Variants in MSRB3 observed in about 807,000 individuals in gnomAD.
The protein encoded by MSRB3 is methionine-R-sulfoxide reductase B3.
A neutral mutation model predicts 21.0 loss-of-function variants in MSRB3; 13 were observed. The observed-to-expected ratio is 0.62, with a 90% CI of 0.40 to 0.98. The LOEUF is 0.98. Ranked by LOEUF, MSRB3 falls within the 50% of genes least tolerant of loss-of-function variation. MSRB3 has a pLI of 0.00. For missense variants in MSRB3, 199 were observed against 230.3 expected, an observed-to-expected ratio of 0.86 and a Z score of 0.88; for synonymous variants, 87 against 88.6, an observed-to-expected ratio of 0.98 and a Z score of 0.10.
At chr12:65,379,587 G>C (rs1436609064) in intron 5 of MSRB3, among the ~76,000 whole-genome samples, 1 of 152,036 alleles carries the variant, frequency 6.6e-6, no homozygotes, top group African/African-American at 2.4e-5. Context: ...AAAGTTCCCT[G>C]TTCTTGAATT....
At chr12:65,396,883 T>C (rs1879848895) in intron 5 of MSRB3, among the ~76,000 whole-genome samples, 1 of 152,158 alleles carries the variant, frequency 6.6e-6, no homozygotes, top group Non-Finnish European at 1.5e-5. Flanking sequence ...TCCAGTTGAT[T>C]GATGGTGTTG....
intron 5 of MSRB3, among the ~76,000 whole-genome samples, chr12:65,404,882 T>C (rs1880325098): frequency 6.6e-6 from 1 of 152,172 alleles, no homozygotes; most frequent in Admixed American, 6.5e-5. Context: ...ACTGAAATTT[T>C]GTATACTTTG....
intron 5 of MSRB3, among the ~76,000 whole-genome samples, chr12:65,422,388 GTATATATATATATATA>G (rs59746471): frequency 5.4e-5 from 5 of 92,492 alleles, no homozygotes; most frequent in African/African-American, 2.3e-4. Flanking sequence ...GGAGTACATA[GTATATATATATATATA>G]TATATATATA....
intron 1 of MSRB3, among the ~76,000 whole-genome samples, chr12:65,290,133 T>A (rs12581548): frequency 2.5e-5 from 3 of 118,390 alleles, no homozygotes; most frequent in East Asian, 2.5e-4. Flanking sequence ...ATATATTTAA[T>A]AATAATAGTG....
chr12:65,412,664 TCCCA>T, intron 5 of MSRB3, among the ~76,000 whole-genome samples: 1 of 152,252 alleles, frequency 6.6e-6, no homozygotes, highest in Non-Finnish European at 1.5e-5. Context: ...TAATTTTCTT[TCCCA>T]CTCTTTGAGA....
At chr12:65,459,838 A>AT (rs1438740334) in intron 6 of MSRB3, among the ~76,000 whole-genome samples, 1 of 152,206 alleles carries the variant, frequency 6.6e-6, no homozygotes, top group African/African-American at 2.4e-5. Context: ...CTGCAGTCAG[A>AT]TTTTAAGGAA....
intron 5 of MSRB3, among the ~76,000 whole-genome samples, chr12:65,443,532 A>T (rs1882479400): frequency 6.6e-6 from 1 of 152,126 alleles, no homozygotes; most frequent in South Asian, 2.1e-4. Context: ...CTAAGTGATT[A>T]TCTTTTTGTG....
intron 6 of MSRB3, among the ~76,000 whole-genome samples, chr12:65,461,164 A>C (rs1252569072): frequency 6.6e-6 from 1 of 152,190 alleles, no homozygotes; most frequent in Non-Finnish European, 1.5e-5. Flanking sequence ...ATCTGAGATC[A>C]GTAATTGTGC....
At chr12:65,344,638 A>G (rs963106155) in intron 4 of MSRB3, among the ~76,000 whole-genome samples, 10 of 151,946 alleles carry the variant, frequency 6.6e-5, no homozygotes, top group African/African-American at 2.4e-4. Flanking sequence ...CAGCTTTGTA[A>G]CAGTGATGCT....
intron 4 of MSRB3, among the ~76,000 whole-genome samples, chr12:65,351,923 A>C (rs896824632): frequency 1.3e-5 from 2 of 152,192 alleles, no homozygotes; most frequent in African/African-American, 4.8e-5. Context: ...AAACTATTCC[A>C]ATCTATAGAA....
At chr12:65,303,051 CA>C (rs1873435593) in intron 1 of MSRB3, among the ~76,000 whole-genome samples, 4 of 151,788 alleles carry the variant, frequency 2.6e-5, no homozygotes, top group African/African-American at 7.3e-5. Flanking sequence ...TGACAAAACT[CA>C]AAACTGTTGG....
At chr12:65,402,744 G>A (rs778708872) in intron 5 of MSRB3, among the ~76,000 whole-genome samples, 9 of 152,206 alleles carry the variant, frequency 5.9e-5, no homozygotes, top group Admixed American at 2.0e-4. Flanking sequence ...CCCCATCTTC[G>A]TGGATTTATC....
At chr12:65,410,756 G>A (rs1309837448) in intron 5 of MSRB3, among the ~76,000 whole-genome samples, 1 of 152,172 alleles carries the variant, frequency 6.6e-6, no homozygotes, top group Admixed American at 6.5e-5. Flanking sequence ...ACTTCATGGG[G>A]TTGTTGAGAG....
chr12:65,310,359 AT>A (rs2136425698), intron 2 of MSRB3, among the ~76,000 whole-genome samples: 1 of 152,194 alleles, frequency 6.6e-6, no homozygotes, highest in Non-Finnish European at 1.5e-5. Flanking sequence ...ATTGGGAGAG[AT>A]TCAGACTGTA....
At chr12:65,301,535 G>A (rs769627553) in intron 1 of MSRB3, among the ~76,000 whole-genome samples, 8 of 152,226 alleles carry the variant, frequency 5.3e-5, no homozygotes, top group East Asian at 3.9e-4. Flanking sequence ...ACCATGTTAC[G>A]AAATGTTTCA....
chr12:65,461,248 GT>G (rs1292048699), intron 6 of MSRB3, among the ~76,000 whole-genome samples: 1 of 152,162 alleles, frequency 6.6e-6, no homozygotes, highest in Non-Finnish European at 1.5e-5. Context: ...AGAAATGGGT[GT>G]TTCCTGTGTC....
At chr12:65,461,329 G>C (rs998646464) in intron 6 of MSRB3, among the ~76,000 whole-genome samples, 2 of 152,156 alleles carry the variant, frequency 1.3e-5, no homozygotes, top group Non-Finnish European at 2.9e-5. Flanking sequence ...GGCATCAATT[G>C]TTTATAGAAA....
chr12:65,460,437 A>G (rs1883273927), intron 6 of MSRB3, among the ~76,000 whole-genome samples: 1 of 152,214 alleles, frequency 6.6e-6, no homozygotes, highest in Admixed American at 6.5e-5. Context: ...CTCGAATGGC[A>G]CTGCGTGGTT....
At chr12:65,345,236 T>C (rs971967096) in intron 4 of MSRB3, among the ~76,000 whole-genome samples, 2 of 152,116 alleles carry the variant, frequency 1.3e-5, no homozygotes, top group African/African-American at 4.8e-5. Flanking sequence ...CCCCAAAGTG[T>C]GTTCCACTGA....
Sources: allele counts gnomAD v4.1 joint callset (sites outside exome capture counted in the v4.1 genomes callset), GRCh38; gene constraint gnomAD v4.1.1; transcripts MANE v1.5; gene names NCBI Gene and HGNC (gene_info 2026-07-23, HGNC 2026-07-21).